DHX57: variants seen among roughly 807,000 people sequenced by gnomAD.
The protein encoded by DHX57 is DExH-box helicase 57.
In DHX57, 105 loss-of-function variants were observed where a neutral mutation model predicts 156.2. That is an observed-to-expected ratio of 0.67 (90% CI 0.57 to 0.79). The LOEUF (loss-of-function observed/expected upper bound fraction) is 0.79. Among genes scored for constraint, DHX57 ranks in the 30% least tolerant of loss-of-function variants. The probability of loss-of-function intolerance (pLI) is 0.00; values close to 1 mark genes in which losing one functional copy is unlikely to be tolerated. For synonymous variants in DHX57, 704 were observed against 595.6 expected (o/e 1.18, Z -2.65); for missense variants, 1,847 against 1,661.9 (o/e 1.11, Z -1.94).
intron 1 of DHX57, among the ~76,000 whole-genome samples, chr2:38,872,603 G>A (rs1222899798): frequency 6.6e-6 from 1 of 152,172 alleles, no homozygotes; most frequent in African/African-American, 2.4e-5. Flanking sequence ...TTACAAAACA[G>A]ACTTTAAAGC....
chr2:38,871,874 G>GT (rs1452777332), intron 1 of DHX57, among the ~76,000 whole-genome samples: 2 of 151,856 alleles, frequency 1.3e-5, no homozygotes, highest in African/African-American at 2.4e-5. Flanking sequence ...CTAAGTTTTT[G>GT]TTTTTTTGTA....
Position 38,799,915 on chromosome 2 carries a change from C to T in DHX57, c.4018-1473G>A, listed in dbSNP as rs141365209. Among the ~76,000 whole-genome samples, 749 of 151,648 alleles carry T rather than the reference C, an allele frequency of 4.9e-3. 3 individuals carry two copies. Among genetic ancestry groups the T allele is most frequent in the Non-Finnish European group, 9.0e-3 (612 of 67,866 alleles). The stretch of plus-strand genomic sequence containing the variant: ...TAAAAATACAAAAATTAGCCTGGCG[C>T]GGTGGCTCATGCCTGTAATCCCAGC... On this transcript the variant is annotated intron_variant, in intron 23 of 23. Transcript: ENST00000457308.
intron 13 of DHX57, among the ~76,000 whole-genome samples, chr2:38,836,427 C>T (rs894997505): frequency 1.3e-5 from 2 of 152,030 alleles, no homozygotes; most frequent in Non-Finnish European, 2.9e-5. Flanking sequence ...TTTTCTCTTC[C>T]TTATGACTTT....
chr2:38,834,856 G>C (rs1671571320), intron 13 of DHX57, among the ~76,000 whole-genome samples: 1 of 152,178 alleles, frequency 6.6e-6, no homozygotes, highest in South Asian at 2.1e-4. Context: ...CAGCAGGTGT[G>C]AAAATCTTAC....
At chr2:38,841,614 A>G (rs910150576) in intron 12 of DHX57, among the ~76,000 whole-genome samples, 2 of 152,228 alleles carry the variant, frequency 1.3e-5, no homozygotes, top group African/African-American at 4.8e-5. Flanking sequence ...CTACAGAAGC[A>G]GTAACGGGTT....
intron 21 of DHX57, chr2:38,811,318 CA>C (rs979456832): frequency 1.9e-6 from 1 of 526,452 alleles, no homozygotes; most frequent in Admixed American, 2.2e-5. Context: ...TCCCCTTTCC[CA>C]TGGCACTGTG....
intron 11 of DHX57, among the ~76,000 whole-genome samples, chr2:38,845,020 G>C (rs1320461667): frequency 6.6e-6 from 1 of 151,858 alleles, no homozygotes. Context: ...AACATAGTGA[G>C]ACCTTGTCTC....
At position 38,858,479 on chromosome 2, in the gene DHX57, G is replaced by A. The variant is rs1286624316; in HGVS notation, c.1587+182C>T. 5.9e-5 allele frequency among the ~76,000 whole-genome samples: 9 copies of A among 152,198 alleles called. 1 individual carries two copies. The highest frequency in any genetic ancestry group is 2.2e-4 in the African/African-American group (9 of 41,434). On this transcript the variant is annotated intron_variant, in intron 6 of 23. Coordinates refer to ENST00000457308, the MANE Select transcript of DHX57 (RefSeq NM_198963.3). ...GTGTGTTTGCTATGTACCAGCTATA[G>A]GATTTTCCAAAACCATCTAGCATAT...
At chr2:38,872,126 T>C (rs754797279) in intron 1 of DHX57, among the ~76,000 whole-genome samples, 6 of 152,220 alleles carry the variant, frequency 3.9e-5, no homozygotes, top group Non-Finnish European at 8.8e-5. Context: ...CTAACACTGT[T>C]GCATTGGAAA....
intron 5 of DHX57, among the ~76,000 whole-genome samples, chr2:38,859,481 A>G (rs1673073015): frequency 6.6e-6 from 1 of 152,244 alleles, no homozygotes. Flanking sequence ...GCATAATTCT[A>G]TAAAAATACT....
In DHX57 at chr2:38,815,869, C is replaced by G. The variant is rs916161548; in HGVS notation, c.3472-214G>C. ...TGGCAGGCAAACTGAAACGGTTATG[C>G]AGAAATGCAAAAATTCAATAAATCC... On this transcript the variant is annotated intron_variant, in intron 19 of 23. Transcript: ENST00000457308. The G allele has an allele frequency of 5.2e-6, 3 of 581,098 alleles. No individual in the cohort carries two copies. In the African/African-American group the frequency reaches 5.6e-5, roughly 11 times the overall value. 36.0% of individuals were successfully genotyped at this position (581,098 alleles called of 1,614,324 possible). A position where few individuals can be genotyped will look rare whatever the true frequency, so the allele number is the denominator to read the frequency against.
Position 38,861,287 on chromosome 2 carries a change from A to T in DHX57, c.1123T>A (p.Tyr375Asn), listed in dbSNP as rs372479943. The T allele has an allele frequency of 4.5e-5, 73 of 1,614,080 alleles. No individual in the cohort carries two copies. Among genetic ancestry groups the T allele is most frequent in the Non-Finnish European group, 6.0e-5 (71 of 1,180,048 alleles). Residue 375 changes from tyrosine (Y) to asparagine (N), a missense_variant, in exon 5 of 24, where the codon TAT (tyrosine) becomes AAT (asparagine). Transcript: ENST00000457308. ...AGAGGTAGGTTCTCATTGGTGGAAT[A>T]AAATGCCACGAGCGGAGCTTGGTAG... ...YPYQAPLVAF[Y>N]STNENLPLAC...
chr2:38,851,542 C>A (rs933637251), intron 9 of DHX57, among the ~76,000 whole-genome samples: 3 of 152,116 alleles, frequency 2.0e-5, no homozygotes, highest in African/African-American at 7.2e-5. Flanking sequence ...ATATTTGAAG[C>A]ACCCTTCTCC....
chr2:38,798,720 C>A (rs977974113), intron 23 of DHX57, among the ~76,000 whole-genome samples: 4 of 151,942 alleles, frequency 2.6e-5, no homozygotes, highest in Non-Finnish European at 4.4e-5. Flanking sequence ...CCAAGGCGGG[C>A]GGATCATGAG....
chr2:38,828,332 T>G lies in DHX57; in HGVS notation c.2639+8A>C. 1 of 1,604,726 alleles carries G rather than the reference T, an allele frequency of 6.2e-7. No homozygotes were observed. The highest frequency in any genetic ancestry group is 1.1e-5 in the South Asian group (1 of 89,998). Reference sequence around the variant, plus strand: ...GATGATTAAGAATATAGAAAGCAATTAGCTTACCGATTACTACGTCTGTTG... The same window carrying G: ...GATGATTAAGAATATAGAAAGCAATGAGCTTACCGATTACTACGTCTGTTG... On this transcript the variant is annotated splice_region_variant and intron_variant, in intron 14 of 23. Transcript: ENST00000457308.
intron 2 of DHX57, among the ~76,000 whole-genome samples, chr2:38,866,044 G>A (rs1665053185): frequency 6.6e-6 from 1 of 151,356 alleles, no homozygotes; most frequent in African/African-American, 2.4e-5. Flanking sequence ...TGTTCTGCTG[G>A]CTAAGCCATG....
At chr2:38,803,579 C>G (rs1669801781) in intron 22 of DHX57, among the ~76,000 whole-genome samples, 1 of 151,234 alleles carries the variant, frequency 6.6e-6, no homozygotes, top group African/African-American at 2.4e-5. Flanking sequence ...CCTCTGCCCC[C>G]TAGGTTCAAG....
At chr2:38,860,411 T>C (rs1168356576) in intron 5 of DHX57, among the ~76,000 whole-genome samples, 1 of 152,048 alleles carries the variant, frequency 6.6e-6, no homozygotes, top group Admixed American at 6.6e-5. Flanking sequence ...ATCATACCAC[T>C]GCACTCCAGC....
chr2:38,868,991 G>A (rs1665224580), intron 1 of DHX57, among the ~76,000 whole-genome samples: 1 of 152,012 alleles, frequency 6.6e-6, no homozygotes, highest in African/African-American at 2.4e-5. Flanking sequence ...TAGTAGAGAT[G>A]GGATTTCACC....
Sources: gnomAD v4.1 joint callset for allele counts (sites outside exome capture counted in the v4.1 genomes callset) on GRCh38, gnomAD v4.1.1 for gene constraint, MANE v1.5 for transcripts, NCBI Gene and HGNC (gene_info 2026-07-23, HGNC 2026-07-21) for gene names.